Variants in CTBP1 observed in about 807,000 individuals in gnomAD.
CTBP1 encodes C-terminal-binding protein 1.
CTBP1 carries 11 observed loss-of-function variants against 42.1 expected under a neutral mutation model. That is an observed-to-expected ratio of 0.26 (90% CI 0.16 to 0.43). The LOEUF is 0.43. Ranked by LOEUF, CTBP1 falls within the 20% of genes least tolerant of loss-of-function variation. The pLI, the probability that CTBP1 is intolerant of heterozygous loss-of-function variation, is 1.00. For synonymous variants in CTBP1, 324 were observed against 277.1 expected (o/e 1.17, Z -1.68); for missense variants, 399 against 624.3 (o/e 0.64, Z 3.85).
rs575619964 is a variant in CTBP1 at position 1,247,090 on chromosome 4, C to G, written c.-189+1826G>C. ...CACCCCGGGCCAAGCCTCTCCTCCC[C>G]CACTGCCACGTTCTCAGGTTAATGA... On this transcript the variant is annotated intron_variant, in intron 1 of 9. Coordinates refer to ENST00000382952, the MANE Select transcript of CTBP1 (RefSeq NM_001012614.2). Among the ~76,000 whole-genome samples, 311 of 152,350 alleles carry G rather than the reference C, an allele frequency of 2.0e-3. 2 individuals carry two copies. The highest frequency in any genetic ancestry group is 7.1e-3 in the African/African-American group (297 of 41,588).
intron 5 of CTBP1, among the ~76,000 whole-genome samples, chr4:1,222,578 C>G (rs993773685): frequency 6.6e-6 from 1 of 152,178 alleles, no homozygotes; most frequent in Non-Finnish European, 1.5e-5. Flanking sequence ...GTCCCCGCAC[C>G]TGCAGTCCCC....
intron 5 of CTBP1, chr4:1,223,359 C>A (rs1001902853): frequency 4.5e-6 from 2 of 440,240 alleles, no homozygotes; most frequent in Non-Finnish European, 9.2e-6. Flanking sequence ...CCGTGAGAGA[C>A]GTGTCCAGGA....
chr4:1,216,564 C>A (rs75408274), intron 5 of CTBP1: 4,931 of 395,926 alleles, frequency 0.012, 169 homozygotes, highest in African/African-American at 0.078. Flanking sequence ...CACATGTCCT[C>A]CGTGCCCAGG....
intron 5 of CTBP1, chr4:1,217,473 C>G (rs552122458): frequency 4.3e-4 from 65 of 152,486 alleles, no homozygotes; most frequent in African/African-American, 1.5e-3. Flanking sequence ...GTCAACGCCC[C>G]CTGCCAGGGA....
Position 1,228,224 on chromosome 4 carries a change from G to A in CTBP1, c.282C>T (p.Ile94=), listed in dbSNP as rs1388189912. The change falls in exon 4 of 10, where the codon ATC becomes ATT. Residue 94 remains isoleucine, a synonymous_variant. Coordinates refer to ENST00000382952, the MANE Select transcript of CTBP1 (RefSeq NM_001012614.2). ...CTAAATCCCCGGCCGACTTGATGTC[G>A]ATGTTGTCAAAACCACTGCCAATCC... ...IVRIGSGFDN[I]DIKSAGDLGI... is the part of the protein sequence containing the mutation. 3 of 1,614,052 alleles carry A rather than the reference G, an allele frequency of 1.9e-6. No homozygotes were observed. Among genetic ancestry groups the A allele is most frequent in the African/African-American group, 1.3e-5 (1 of 74,932 alleles).
intron 5 of CTBP1, among the ~76,000 whole-genome samples, chr4:1,221,174 C>A (rs532592248): frequency 6.6e-6 from 1 of 152,366 alleles, no homozygotes; most frequent in East Asian, 1.9e-4. Flanking sequence ...GCCGGAGGTG[C>A]TCCGAGTGGC....
At position 1,239,502 on chromosome 4, in the gene CTBP1, G is replaced by GC. The variant is rs1731934121; in HGVS notation, c.8-1166dup. Among the ~76,000 whole-genome samples, 6 of 152,184 alleles carry GC rather than the reference G, an allele frequency of 3.9e-5. 1 individual carries two copies. In the South Asian group the frequency reaches 1.2e-3, roughly 31 times the overall value. On this transcript the variant is annotated intron_variant, in intron 2 of 9. Transcript: ENST00000382952. ...ACAAGCACGCTCGGCCCAGTCTCCC[G>GC]CCCCATCCGCTGCCCCATCCGCCTG... is the stretch of plus-strand genomic sequence containing the variant.
intron 3 of CTBP1, chr4:1,236,739 A>C: frequency 1.5e-6 from 1 of 687,618 alleles, no homozygotes; most frequent in Non-Finnish European, 2.7e-6. Flanking sequence ...CACAGGGCAA[A>C]CCAAGTGTCC....
At chr4:1,230,774 T>C (rs1323153772) in intron 3 of CTBP1, among the ~76,000 whole-genome samples, 2 of 152,208 alleles carry the variant, frequency 1.3e-5, no homozygotes, top group African/African-American at 4.8e-5. Context: ...CGAATATTCA[T>C]CCGCGCAGCC....
intron 1 of CTBP1, chr4:1,245,312 C>A (rs867253724): frequency 5.1e-6 from 5 of 985,478 alleles, no homozygotes; most frequent in Non-Finnish European, 6.0e-6. Flanking sequence ...TGGAGCCGCA[C>A]GTTTCCCTGT....
intron 1 of CTBP1, chr4:1,248,645 G>A: frequency 1.0e-6 from 1 of 981,060 alleles, no homozygotes; most frequent in South Asian, 4.7e-5. Flanking sequence ...GAGGCCCACA[G>A]GCCCTTTTGT....
At position 1,246,266 on chromosome 4, in the gene CTBP1, C is replaced by G. The variant is rs565195200; in HGVS notation, c.-189+2650G>C. On this transcript the variant is annotated intron_variant, in intron 1 of 9. Transcript: ENST00000382952. The stretch of plus-strand genomic sequence containing the variant: ...CAACATCCAGCGACCACCAGAGGAC[C>G]CTGGCGCTCCACCCGGCGCTCCGAC... Among the ~76,000 whole-genome samples, 75 of 152,250 alleles carry G rather than the reference C, an allele frequency of 4.9e-4. 1 individual carries two copies. In the East Asian group the frequency reaches 0.014, roughly 29 times the overall value.
At chr4:1,223,491 G>A (rs541322073) in intron 5 of CTBP1, 81 of 456,144 alleles carry the variant, frequency 1.8e-4, no homozygotes, top group African/African-American at 1.6e-3. Flanking sequence ...GACAAGGACA[G>A]CGGTCAGCAG....
chr4:1,217,951 C>CTAT (rs1459607125), intron 5 of CTBP1: 1 of 152,140 alleles, frequency 6.6e-6, no homozygotes, highest in Non-Finnish European at 1.5e-5. Flanking sequence ...AATGGTAACT[C>CTAT]TATAAAGAAC....
In CTBP1 at chr4:1,212,927, A is replaced by G. The variant is rs747243220; in HGVS notation, c.1092T>C (p.Asn364=). 1 of 1,613,124 alleles carries G rather than the reference A, an allele frequency of 6.2e-7. No individual in the cohort carries two copies. The highest frequency in any genetic ancestry group is 2.2e-5 in the East Asian group (1 of 44,864). ...MDPAVVHPEL[N]GAAYRYPPGV... Reference sequence around the variant, plus strand: ...GGCCTGCTCACCTATAGGCAGCCCCATTGAGCTCAGGGTGCACGACGGCGG... The same window carrying G: ...GGCCTGCTCACCTATAGGCAGCCCCGTTGAGCTCAGGGTGCACGACGGCGG... Residue 364 remains asparagine (N), a synonymous_variant, in exon 9 of 10, where the codon AAT becomes AAC. Coordinates refer to ENST00000382952, the MANE Select transcript of CTBP1 (RefSeq NM_001012614.2).
chr4:1,241,731 G>T, intron 1 of CTBP1: 11 of 1,205,194 alleles, frequency 9.1e-6, no homozygotes, highest in Non-Finnish European at 1.2e-5. Flanking sequence ...AGGTTGCAGT[G>T]CCAGGCCCGA....
At position 1,215,958 on chromosome 4, in the gene CTBP1, G is replaced by A. The variant is rs773460347; in HGVS notation, c.729+33C>T. 39 of 1,578,936 alleles carry A rather than the reference G, an allele frequency of 2.5e-5. No homozygotes were observed. In the Admixed American group the frequency reaches 6.9e-4, roughly 28 times the overall value. On this transcript the variant is annotated intron_variant, in intron 6 of 9. Transcript: ENST00000382952. Reference sequence around the variant, plus strand: ...CACCCCCACCTGTACCTGCCCCGCAGAAGTAGAGTCCTGTGTCCCCGGCTC... The same window carrying A: ...CACCCCCACCTGTACCTGCCCCGCAAAAGTAGAGTCCTGTGTCCCCGGCTC...
chr4:1,247,609 T>C (rs1208262628), intron 1 of CTBP1, among the ~76,000 whole-genome samples: 1 of 152,034 alleles, frequency 6.6e-6, no homozygotes, highest in Non-Finnish European at 1.5e-5. Flanking sequence ...CCCCCAACCC[T>C]GCCCCAAGCT....
At chr4:1,227,419 T>G in intron 4 of CTBP1, among the ~76,000 whole-genome samples, 1 of 132,740 alleles carries the variant, frequency 7.5e-6, no homozygotes, top group African/African-American at 2.9e-5. Flanking sequence ...GTGTGCTGAG[T>G]GTGCGTGATC....
Sources: allele counts gnomAD v4.1 joint callset (sites outside exome capture counted in the v4.1 genomes callset), GRCh38; gene constraint gnomAD v4.1.1; transcripts MANE v1.5; gene names NCBI Gene and HGNC (gene_info 2026-07-23, HGNC 2026-07-21).